AFAP1L2: variants seen among roughly 807,000 people sequenced by gnomAD.
AFAP1L2 encodes the protein actin filament associated protein 1 like 2.
AFAP1L2 carries 46 observed loss-of-function variants against 99.3 expected under a neutral mutation model. That is an observed-to-expected ratio of 0.46 (90% CI 0.37 to 0.59). AFAP1L2 has a LOEUF of 0.59. Ranked by LOEUF, AFAP1L2 falls within the 20% of genes least tolerant of loss-of-function variation. AFAP1L2 has a pLI of 0.00. For synonymous variants in AFAP1L2, 397 were observed against 419.1 expected (o/e 0.95, Z 0.64); for missense variants, 959 against 1,034.9 (o/e 0.93, Z 1.01).
At chr10:114,345,610 A>G (rs901393392) in intron 1 of AFAP1L2, among the ~76,000 whole-genome samples, 2 of 152,178 alleles carry the variant, frequency 1.3e-5, no homozygotes, top group Non-Finnish European at 2.9e-5. Flanking sequence ...ATTACAACCC[A>G]ATTTGGCCAC....
chr10:114,355,281 G>T (rs2051181708), intron 1 of AFAP1L2, among the ~76,000 whole-genome samples: 1 of 139,696 alleles, frequency 7.2e-6, no homozygotes, highest in South Asian at 2.1e-4. Context: ...TTGAGACGGA[G>T]TCTCACTCTG....
intron 4 of AFAP1L2, chr10:114,325,985 G>C (rs66638979): frequency 0.091 from 117,023 of 1,288,740 alleles, 5,987 homozygotes; most frequent in South Asian, 0.15. Context: ...CGTCAGGTGG[G>C]TCCCATCTGG....
At chr10:114,387,058 C>A (rs954878186) in intron 1 of AFAP1L2, among the ~76,000 whole-genome samples, 2 of 152,202 alleles carry the variant, frequency 1.3e-5, no homozygotes, top group Non-Finnish European at 2.9e-5. Flanking sequence ...AACCCTGGGT[C>A]TCCATGGCCA....
At chr10:114,296,178 G>T in intron 18 of AFAP1L2, 110 bp from the exon 19 acceptor site, 1 of 1,439,196 alleles carries the variant, frequency 6.9e-7, no homozygotes, top group Non-Finnish European at 9.8e-7. Flanking sequence ...ACTATTTTAG[G>T]CACAGAGGTG....
At chr10:114,294,800 G>GTCATT, downstream of AFAP1L2, 4 of 981,112 alleles carry the variant, frequency 4.1e-6, no homozygotes, top group Middle Eastern at 1.0e-3. Flanking sequence ...CCTGCCCCAA[G>GTCATT]TCATTTCATG....
intron 1 of AFAP1L2, chr10:114,393,675 A>G (rs1448482161): frequency 6.6e-6 from 1 of 152,154 alleles, no homozygotes; most frequent in East Asian, 1.9e-4. Context: ...TCTCCCTCCG[A>G]GAACAAAACA....
Position 114,315,745 on chromosome 10 carries a change from T to C in AFAP1L2, c.427A>G (p.Ser143Gly). 1 of 1,612,706 alleles carries C rather than the reference T, an allele frequency of 6.2e-7. No homozygotes were observed. The highest frequency in any genetic ancestry group is 8.5e-7 in the Non-Finnish European group (1 of 1,179,748). ...SLNEDGEAVS[S>G]SYESYDEEDG... ...TCTTCATCGTAGGACTCGTAGGAGC[T>C]GCTCACAGCCTCTCCGTCCTCTGCA... is the stretch of plus-strand genomic sequence containing the variant. Residue 143 changes from serine to glycine, a missense_variant, in exon 6 of 19, where the codon AGC becomes GGC. Physicochemically the swap from Ser to Gly is moderately conservative, Grantham distance 56. Coordinates refer to ENST00000304129, the MANE Select transcript of AFAP1L2 (RefSeq NM_001001936.3).
chr10:114,319,783 T>C, intron 5 of AFAP1L2: 1 of 478,292 alleles, frequency 2.1e-6, no homozygotes, highest in East Asian at 7.2e-5. Flanking sequence ...AGGTTAGTGC[T>C]TGCCCATCAG....
chr10:114,390,741 A>G (rs1276305349), intron 1 of AFAP1L2, among the ~76,000 whole-genome samples: 1 of 150,236 alleles, frequency 6.7e-6, no homozygotes, highest in African/African-American at 2.4e-5. Flanking sequence ...AAAAAAAAAA[A>G]AAATCCTACC....
intron 1 of AFAP1L2, among the ~76,000 whole-genome samples, chr10:114,355,318 G>C (rs1477839088): frequency 6.7e-6 from 1 of 148,968 alleles, no homozygotes; most frequent in Non-Finnish European, 1.5e-5. Context: ...GCAGTGGCAC[G>C]ATCTTGGCTC....
At chr10:114,399,811 C>T (rs544801484) in intron 1 of AFAP1L2, among the ~76,000 whole-genome samples, 1 of 152,280 alleles carries the variant, frequency 6.6e-6, no homozygotes, top group South Asian at 2.1e-4. Context: ...TGCTGGGCTA[C>T]CCACCCACAT....
intron 1 of AFAP1L2, among the ~76,000 whole-genome samples, chr10:114,403,902 T>A (rs1239100354): frequency 6.6e-6 from 1 of 152,130 alleles, no homozygotes; most frequent in Non-Finnish European, 1.5e-5. Flanking sequence ...AGAGAAACGA[T>A]GACCCGAACG....
At chr10:114,353,610 C>A (rs2050870265) in intron 1 of AFAP1L2, among the ~76,000 whole-genome samples, 2 of 152,168 alleles carry the variant, frequency 1.3e-5, no homozygotes, top group African/African-American at 4.8e-5. Flanking sequence ...TGGCCCCAAG[C>A]CTAGAGTTTA....
intron 1 of AFAP1L2, among the ~76,000 whole-genome samples, chr10:114,355,691 T>C (rs1445870840): frequency 6.6e-6 from 1 of 152,078 alleles, no homozygotes; most frequent in Non-Finnish European, 1.5e-5. Context: ...TTCTGTCGGG[T>C]CCGGGCACAG....
In AFAP1L2 at chr10:114,301,443, C is replaced by G; in HGVS notation, c.1453G>C (p.Glu485Gln). The stretch of plus-strand genomic sequence containing the variant: ...AGGCCATCGATGTAAGTGTTGGGCT[C>G]TGAGAACTTTCTCTGCATCAGTCTG... ...SLLLMQRKFS[E>Q]PNTYIDGLPS... Residue 485 changes from glutamate (E) to glutamine (Q), a missense_variant, in exon 13 of 19, where the codon GAG (glutamate) becomes CAG (glutamine). By Grantham distance (29) the Glu-to-Gln change is conservative. Transcript: ENST00000304129. The G allele has an allele frequency of 6.2e-7, 1 of 1,614,074 alleles. No homozygotes were observed. The highest frequency in any genetic ancestry group is 8.5e-7 in the Non-Finnish European group (1 of 1,179,890).
chr10:114,335,716 C>T (rs2047867745), intron 2 of AFAP1L2, among the ~76,000 whole-genome samples: 1 of 152,110 alleles, frequency 6.6e-6, no homozygotes, highest in South Asian at 2.1e-4. Context: ...CAAGGTAGCT[C>T]TGTGTCTGTT....
chr10:114,344,956 G>T (rs1206907411), intron 1 of AFAP1L2, among the ~76,000 whole-genome samples: 1 of 152,018 alleles, frequency 6.6e-6, no homozygotes, highest in Non-Finnish European at 1.5e-5. Flanking sequence ...AACTAGCCAG[G>T]GGTGGTGGCG....
intron 6 of AFAP1L2, 23 bp from the exon 7 acceptor site, chr10:114,314,073 C>G: frequency 1.9e-6 from 3 of 1,597,562 alleles, no homozygotes; most frequent in Non-Finnish European, 1.7e-6. Context: ...AGAGAAGATA[C>G]ACCACTTTGC....
intron 1 of AFAP1L2, among the ~76,000 whole-genome samples, chr10:114,367,863 T>C (rs2053517678): frequency 6.6e-6 from 1 of 152,224 alleles, no homozygotes; most frequent in Non-Finnish European, 1.5e-5. Context: ...AACAGAAAGT[T>C]TGCTTATTCT....
Sources: gnomAD v4.1 joint callset for allele counts (sites outside exome capture counted in the v4.1 genomes callset) on GRCh38, gnomAD v4.1.1 for gene constraint, MANE v1.5 for transcripts, NCBI Gene and HGNC (gene_info 2026-07-23, HGNC 2026-07-21) for gene names.